ARHGEF12: variants seen among roughly 807,000 people sequenced by gnomAD.
ARHGEF12 encodes KMT2A/ARHGEF12 fusion protein.
Under a neutral mutation model 211.2 loss-of-function variants are expected in ARHGEF12, and 66 were observed. That is an observed-to-expected ratio of 0.31 (90% CI 0.26 to 0.38). ARHGEF12 has a LOEUF of 0.38. ARHGEF12 is among the 10% of genes least tolerant of loss of function. The pLI, the probability that ARHGEF12 is intolerant of heterozygous loss-of-function variation, is 1.00. For missense variants in ARHGEF12, 1,429 were observed against 1,869.5 expected (o/e 0.76, Z 4.34); for synonymous variants, 592 against 638.4 (o/e 0.93, Z 1.09).
chr11:120,461,194 C>T (rs983861496), intron 27 of ARHGEF12, among the ~76,000 whole-genome samples: 1 of 152,144 alleles, frequency 6.6e-6, no homozygotes, highest in African/African-American at 2.4e-5. Flanking sequence ...ATTCAGTTTG[C>T]TTTGCCCAGA....
At chr11:120,461,543 T>G (rs672804) in intron 27 of ARHGEF12, among the ~76,000 whole-genome samples, 1 of 152,202 alleles carries the variant, frequency 6.6e-6, no homozygotes, top group Non-Finnish European at 1.5e-5. Flanking sequence ...AAACAATCAT[T>G]GGCTTCAACT....
intron 20 of ARHGEF12, 70 bp downstream of exon 20, chr11:120,448,418 C>A: frequency 8.8e-7 from 1 of 1,138,762 alleles, no homozygotes; most frequent in Non-Finnish European, 1.3e-6. Flanking sequence ...CAGTGTCTTC[C>A]ATCATCTTAG....
intron 13 of ARHGEF12, among the ~76,000 whole-genome samples, chr11:120,441,496 T>G (rs1009334007): frequency 3.3e-5 from 5 of 152,188 alleles, no homozygotes; most frequent in Admixed American, 6.5e-5. Context: ...ACAGTGGTCT[T>G]TCTTCTAACC....
intron 7 of ARHGEF12, among the ~76,000 whole-genome samples, chr11:120,427,251 A>G (rs1438849108): frequency 1.3e-5 from 2 of 151,888 alleles, no homozygotes; most frequent in Admixed American, 1.3e-4. Context: ...ATTCCTCCAA[A>G]TATTTTCTAC....
intron 1 of ARHGEF12, among the ~76,000 whole-genome samples, chr11:120,404,759 A>C (rs1057506488): frequency 6.6e-6 from 1 of 152,192 alleles, no homozygotes; most frequent in Non-Finnish European, 1.5e-5. Context: ...GATAAATGGC[A>C]GTTGTTATCC....
In ARHGEF12 at chr11:120,423,369, A is replaced by G. The variant is rs957979582; in HGVS notation, c.349-989A>G. Among the ~76,000 whole-genome samples, 5 of 152,274 alleles carry G rather than the reference A, an allele frequency of 3.3e-5. No individual in the cohort carries two copies. The Middle Eastern group carries it at 0.01, about 311-fold the overall frequency. On this transcript the variant is annotated intron_variant, in intron 6 of 40. Coordinates refer to ENST00000397843, the MANE Select transcript of ARHGEF12 (RefSeq NM_015313.3). Reference sequence around the variant, plus strand: ...ATGTATCAAAAGCCTTTAAGAAAGTATATAACATGTGACAAGCAATTTTGC... The same window carrying G: ...ATGTATCAAAAGCCTTTAAGAAAGTGTATAACATGTGACAAGCAATTTTGC...
intron 1 of ARHGEF12, among the ~76,000 whole-genome samples, chr11:120,386,906 A>G (rs115773114): frequency 0.012 from 1,900 of 152,238 alleles, 35 homozygotes; most frequent in African/African-American, 0.044. Context: ...AGCCTGGGTC[A>G]GTCAGACTCT....
chr11:120,366,924 G>A (rs1943439121), intron 1 of ARHGEF12, among the ~76,000 whole-genome samples: 1 of 152,160 alleles, frequency 6.6e-6, no homozygotes, highest in South Asian at 2.1e-4. Context: ...GCTGAGGCAG[G>A]AGAATTGCTT....
intron 28 of ARHGEF12, 145 bp downstream of exon 28, chr11:120,465,507 C>T: frequency 9.3e-7 from 1 of 1,072,292 alleles, no homozygotes; most frequent in Non-Finnish European, 1.3e-6. Context: ...CGCTGTGTTG[C>T]CCAGGCTGGA....
At chr11:120,425,178 G>A (rs1020830475) in intron 7 of ARHGEF12, among the ~76,000 whole-genome samples, 1 of 152,146 alleles carries the variant, frequency 6.6e-6, no homozygotes. Flanking sequence ...ACAGGGAGAA[G>A]GGAAGGTTCA....
chr11:120,382,998 G>T (rs1211694550), intron 1 of ARHGEF12, among the ~76,000 whole-genome samples: 2 of 152,186 alleles, frequency 1.3e-5, no homozygotes, highest in Non-Finnish European at 2.9e-5. Flanking sequence ...AATTAGCCAG[G>T]CGTGGTGGCG....
chr11:120,403,970 A>G (rs1591548237), intron 1 of ARHGEF12, among the ~76,000 whole-genome samples: 1 of 152,188 alleles, frequency 6.6e-6, no homozygotes, highest in Non-Finnish European at 1.5e-5. Context: ...AGTTGATAGT[A>G]TGGATTATCT....
chr11:120,401,009 C>CATT lies in ARHGEF12; in HGVS notation c.33-5108_33-5106dup, dbSNP rs1348286817. On this transcript the variant is annotated intron_variant, in intron 1 of 40. Transcript: ENST00000397843. ...ACACCATGGGAAATTCTCCATGAGT[C>CATT]ATTCCGTCAGCTGTAGCTTCTGTTT... Among the ~76,000 whole-genome samples, 5 of 152,314 alleles carry CATT rather than the reference C, an allele frequency of 3.3e-5. No individual in the cohort carries two copies. The East Asian group carries it at 9.6e-4, about 29-fold the overall frequency.
rs1452060589 is a variant in ARHGEF12, at chr11:120,451,586, C to T, written c.1918C>T (p.Pro640Ser). The change falls in exon 22 of 41, where the codon CCT becomes TCT. Residue 640 changes from proline (P) to serine (S), a missense_variant. Physicochemically the swap from Pro to Ser is moderately conservative, Grantham distance 74. Around this residue, in one of 7 missense-constraint regions of ARHGEF12, gnomAD observed 373 missense variants for 467.5 expected, o/e 0.80. Transcript: ENST00000397843. ...LSTPSSVSPE[P>S]QDSAKLRQSG... The stretch of plus-strand genomic sequence containing the variant: ...CACACCCTCATCTGTGAGTCCTGAA[C>T]CTCAGGACTCTGCCAAGTTGCGCCA... The T allele has an allele frequency of 1.2e-6, 2 of 1,614,050 alleles. No homozygotes were observed. Among genetic ancestry groups the T allele is most frequent in the African/African-American group, 2.7e-5 (2 of 74,906 alleles).
rs537225478 is a variant in ARHGEF12 at position 120,427,822 on chromosome 11, T to C, written c.407-247T>C. Among the ~76,000 whole-genome samples the C allele has an allele frequency of 1.1e-4, 16 of 152,322 alleles. No homozygotes were observed. In the South Asian group the frequency reaches 3.1e-3, roughly 30 times the overall value. ...ATTTTATTTGCTTTTAAGTAATATC[T>C]GATCTTACTAGTAGTAACTTGCTAT... On this transcript the variant is annotated intron_variant, in intron 7 of 40. Coordinates refer to ENST00000397843, the MANE Select transcript of ARHGEF12 (RefSeq NM_015313.3).
At chr11:120,445,308 A>G (rs1384007370) in intron 15 of ARHGEF12, 114 bp from the exon 16 acceptor site, 5 of 945,704 alleles carry the variant, frequency 5.3e-6, no homozygotes, top group Non-Finnish European at 8.6e-6. Context: ...CTTGTACTTG[A>G]TTGTGCTTGT....
intron 21 of ARHGEF12, 95 bp from the exon 22 acceptor site, chr11:120,451,417 T>C (rs1034255574): frequency 3.6e-6 from 4 of 1,119,892 alleles, no homozygotes; most frequent in Admixed American, 2.1e-5. Context: ...GACCTCATGA[T>C]TCGCCCACCT....
In ARHGEF12 at chr11:120,489,348, A is replaced by G. The variant is rs1452623506; in HGVS notation, c.*4271A>G. Reference sequence around the variant, plus strand: ...TATTATTGATTTTTAATTGTGGTGAAATATATATATAACAAAATTTGCTAT... The same window carrying G: ...TATTATTGATTTTTAATTGTGGTGAGATATATATATAACAAAATTTGCTAT... On this transcript the variant is annotated 3_prime_UTR_variant, in exon 41 of 41. Transcript: ENST00000397843. 1 of 224,738 alleles carries G rather than the reference A, an allele frequency of 4.4e-6. No individual in the cohort carries two copies. Among genetic ancestry groups the G allele is most frequent in the Non-Finnish European group, 8.9e-6 (1 of 112,944 alleles). 13.9% of individuals were successfully genotyped at this position (224,738 alleles called of 1,614,324 possible). A position where few individuals can be genotyped will look rare whatever the true frequency, so the allele number is the denominator to read the frequency against.
chr11:120,428,337 A>T, intron 8 of ARHGEF12, 90 bp downstream of exon 8: 1 of 1,104,820 alleles, frequency 9.1e-7, no homozygotes, highest in Non-Finnish European at 1.2e-6. Context: ...TCGGCTGATG[A>T]ACTAATTAAA....
Sources: gnomAD v4.1 joint callset for allele counts (sites outside exome capture counted in the v4.1 genomes callset) on GRCh38, gnomAD v4.1.1 for gene constraint, gnomAD v4.1.1 regional missense constraint, MANE v1.5 for transcripts, NCBI Gene and HGNC (gene_info 2026-07-23, HGNC 2026-07-21) for gene names.